The following UBP1 variants were observed in gnomAD, a reference collection of about 807,000 sequenced individuals.
UBP1 encodes upstream binding protein 1.
In UBP1, 22 loss-of-function variants were observed where a neutral mutation model predicts 76.1. The ratio of observed to expected loss-of-function variants is 0.29; its 90% CI spans 0.21 to 0.41. The LOEUF (loss-of-function observed/expected upper bound fraction) is 0.41. Ranked by LOEUF, UBP1 falls within the 10% of genes least tolerant of loss-of-function variation. The pLI, the probability that UBP1 is intolerant of heterozygous loss-of-function variation, is 1.00. For missense variants in UBP1, 436 were observed against 668.1 expected, an observed-to-expected ratio of 0.65 and a Z score of 3.83; for synonymous variants, 224 against 237.1, an observed-to-expected ratio of 0.94 and a Z score of 0.51.
At position 33,392,719 on chromosome 3, in the gene UBP1, A is replaced by G. The variant is rs531613535; in HGVS notation, c.1534-105T>C. The G allele has an allele frequency of 1.9e-5, 20 of 1,065,626 alleles. 1 individual carries two copies. Among genetic ancestry groups the G allele is most frequent in the Middle Eastern group, 2.1e-4 (1 of 4,712 alleles). The allele number at this position is 1,065,626 out of a possible 1,614,324, so 66.0% of individuals were successfully genotyped here. ...TCTTCTCAAACAAACACAGGACTCA[A>G]TGGCCAAAACGATAATTCATGAAGG... On this transcript the variant is annotated intron_variant, in intron 14 of 15. Coordinates refer to ENST00000283629, the MANE Select transcript of UBP1 (RefSeq NM_014517.5).
Position 33,400,206 on chromosome 3 carries a change from A to G in UBP1, c.1163T>C (p.Leu388Pro). 13 of 1,593,262 alleles carry G rather than the reference A, an allele frequency of 8.2e-6. No homozygotes were observed. Among genetic ancestry groups the G allele is most frequent in the Non-Finnish European group, 1.0e-5 (12 of 1,173,400 alleles). The change falls in exon 11 of 16, where the codon CTG (leucine) becomes CCG (proline). Residue 388 changes from leucine to proline, a missense_variant. Transcript: ENST00000283629. ...ACACATACCTGAAAAATTAGAGAACAGTCTTGTGTAGGAAGAGAATCTGTT... is the reference window on the plus strand; with the variant it reads ...ACACATACCTGAAAAATTAGAGAACGGTCTTGTGTAGGAAGAGAATCTGTT... Reference protein sequence around the residue: ...LKNRFSSYTRLFSNFSGADLL... With the variant: ...LKNRFSSYTRPFSNFSGADLL...
chr3:33,418,822 G>A (rs2044802701), intron 2 of UBP1, among the ~76,000 whole-genome samples: 1 of 137,372 alleles, frequency 7.3e-6, no homozygotes, highest in African/African-American at 2.8e-5. Context: ...TTGCACCGCT[G>A]CACTACAGCC....
At chr3:33,424,767 CGGGT>C (rs2044983372) in intron 2 of UBP1, among the ~76,000 whole-genome samples, 1 of 152,194 alleles carries the variant, frequency 6.6e-6, no homozygotes, top group Non-Finnish European at 1.5e-5. Flanking sequence ...TAAACTCGGC[CGGGT>C]GCAATGGCTC....
At chr3:33,411,740 A>G (rs143239369) in intron 4 of UBP1, 53 bp from the exon 5 acceptor site, 7 of 1,335,098 alleles carry the variant, frequency 5.2e-6, no homozygotes, top group Middle Eastern at 3.6e-4. Context: ...TAACTTAAAA[A>G]ACTTACAACT....
rs752663090 is a variant in UBP1 at position 33,409,611 on chromosome 3, G to A, written c.556-10C>T. On this transcript the variant is annotated splice_polypyrimidine_tract_variant and intron_variant, in intron 5 of 15. Transcript: ENST00000283629. ...TGCTGATGCAGTGTACCTATAAAAC[G>A]ATTCAGGCTGAAATGGATTCAAAGA... is the stretch of plus-strand genomic sequence containing the variant. 5.6e-6 allele frequency: 9 copies of A among 1,613,972 alleles called. No homozygotes were observed. The highest frequency in any genetic ancestry group is 4.4e-5 in the South Asian group (4 of 91,060).
At chr3:33,441,059 T>G (rs2045294247), upstream of UBP1, 1 of 152,254 alleles carries the variant, frequency 6.6e-6, no homozygotes, top group Non-Finnish European at 1.5e-5. Context: ...TATCCTGAGT[T>G]GAACTAGCTG....
At chr3:33,415,555 T>C (rs1575477822) in intron 3 of UBP1, among the ~76,000 whole-genome samples, 1 of 152,184 alleles carries the variant, frequency 6.6e-6, no homozygotes, top group Non-Finnish European at 1.5e-5. Flanking sequence ...ATGATGGATA[T>C]ATGTGGATTC....
intron 3 of UBP1, 83 bp from the exon 4 acceptor site, chr3:33,412,910 C>G: frequency 2.2e-6 from 2 of 890,346 alleles, no homozygotes; most frequent in Non-Finnish European, 3.8e-6. Flanking sequence ...ATGTGTTAAC[C>G]TGTAGCAGTA....
intron 15 of UBP1, chr3:33,392,243 C>T (rs1356142780): frequency 4.3e-6 from 1 of 232,268 alleles, no homozygotes; most frequent in Non-Finnish European, 8.3e-6. Flanking sequence ...GGTTTGCTTT[C>T]CCCAATAGGA....
intron 1 of UBP1, among the ~76,000 whole-genome samples, chr3:33,436,351 AT>A (rs928435841): frequency 9.9e-5 from 15 of 152,230 alleles, no homozygotes; most frequent in African/African-American, 3.4e-4. Flanking sequence ...TTAAATAAAC[AT>A]TTTACCTTTC....
intron 2 of UBP1, among the ~76,000 whole-genome samples, chr3:33,419,878 T>G (rs762830312): frequency 6.6e-6 from 1 of 152,230 alleles, no homozygotes; most frequent in East Asian, 1.9e-4. Flanking sequence ...AAAGTTAATA[T>G]AGTCCAACAG....
At chr3:33,420,747 A>C (rs1418260145) in intron 2 of UBP1, among the ~76,000 whole-genome samples, 1 of 152,120 alleles carries the variant, frequency 6.6e-6, no homozygotes, top group East Asian at 1.9e-4. Flanking sequence ...TCTGCCTCCC[A>C]AAGTGCTGGG....
chr3:33,398,246 G>A (rs2044084210), intron 11 of UBP1: 1 of 152,170 alleles, frequency 6.6e-6, no homozygotes, highest in Non-Finnish European at 1.5e-5. Flanking sequence ...GAAGATAATG[G>A]AGTCATCTTT....
At chr3:33,399,906 G>GA (rs2044156952) in intron 11 of UBP1, among the ~76,000 whole-genome samples, 1 of 152,176 alleles carries the variant, frequency 6.6e-6, no homozygotes, top group East Asian at 1.9e-4. Context: ...AAGTTAAAAT[G>GA]AAAAAAATCA....
intron 1 of UBP1, among the ~76,000 whole-genome samples, chr3:33,431,086 C>T (rs760412641): frequency 1.8e-4 from 28 of 152,178 alleles, no homozygotes; most frequent in Non-Finnish European, 4.0e-4. Context: ...ACTTCTAGAA[C>T]TGGAAAATAA....
intron 13 of UBP1, among the ~76,000 whole-genome samples, chr3:33,395,719 A>G (rs1442408270): frequency 7.0e-6 from 1 of 142,954 alleles, no homozygotes; most frequent in Non-Finnish European, 1.5e-5. Flanking sequence ...TTATGCTTTA[A>G]GAGTTCTCCC....
upstream of UBP1, chr3:33,440,658 C>G (rs921035095): frequency 6.6e-6 from 1 of 152,366 alleles, no homozygotes; most frequent in Non-Finnish European, 1.5e-5. Context: ...AGATGATTGA[C>G]AGGCCAACTG....
intron 1 of UBP1, among the ~76,000 whole-genome samples, chr3:33,432,070 G>A (rs1244909522): frequency 6.6e-6 from 1 of 152,158 alleles, no homozygotes; most frequent in Non-Finnish European, 1.5e-5. Context: ...GCTCACACCT[G>A]TAATCTCAAC....
At chr3:33,413,106 T>A (rs2044633997) in intron 3 of UBP1, among the ~76,000 whole-genome samples, 1 of 152,184 alleles carries the variant, frequency 6.6e-6, no homozygotes, top group Non-Finnish European at 1.5e-5. Flanking sequence ...AAAATTAAGG[T>A]TCTTCCCACT....
Sources: gnomAD v4.1 joint callset for allele counts (sites outside exome capture counted in the v4.1 genomes callset) on GRCh38, gnomAD v4.1.1 for gene constraint, MANE v1.5 for transcripts, NCBI Gene and HGNC (gene_info 2026-07-23, HGNC 2026-07-21) for gene names.